The following FSTL4 variants were observed in gnomAD, a reference collection of about 807,000 sequenced individuals.
FSTL4 encodes follistatin like 4, also known as follistatin-related protein 4.
A neutral mutation model predicts 78.2 loss-of-function variants in FSTL4; 28 were observed. The ratio of observed to expected loss-of-function variants is 0.36; its 90% CI spans 0.27 to 0.49. The LOEUF (loss-of-function observed/expected upper bound fraction) is 0.49, where lower values mean the gene tolerates loss of function less well. FSTL4 is among the 20% of genes least tolerant of loss of function. The pLI is 0.98. For synonymous variants in FSTL4, 422 were observed against 440.5 expected, an observed-to-expected ratio of 0.96 and a Z score of 0.53; for missense variants, 922 against 1,084.9, an observed-to-expected ratio of 0.85 and a Z score of 2.11.
At chr5:133,719,193 AG>A in the FSTL4 span, among the ~76,000 whole-genome samples, 2 of 152,226 alleles carry the variant, frequency 1.3e-5, no homozygotes, top group African/African-American at 4.8e-5. Flanking sequence ...CTTAAGAAAA[AG>A]CTGCTAAATT....
intron 4 of FSTL4, among the ~76,000 whole-genome samples, chr5:133,322,416 G>C (rs545209350): frequency 6.6e-6 from 1 of 152,216 alleles, no homozygotes; most frequent in South Asian, 2.1e-4. Context: ...CTTAGTTTGG[G>C]CTCCCCCAAA....
intron 4 of FSTL4, among the ~76,000 whole-genome samples, chr5:133,320,995 A>C (rs1446569571): frequency 8.5e-6 from 1 of 117,048 alleles, no homozygotes; most frequent in African/African-American, 3.5e-5. Context: ...TGACAGAGCG[A>C]GACTCCGTCT....
chr5:133,691,174 T>G, the FSTL4 span, among the ~76,000 whole-genome samples: 1 of 152,214 alleles, frequency 6.6e-6, no homozygotes, highest in African/African-American at 2.4e-5. Context: ...TGAATTTTAT[T>G]TAGAGAAAAA....
At chr5:133,747,828 T>A in the FSTL4 span, among the ~76,000 whole-genome samples, 1 of 152,142 alleles carries the variant, frequency 6.6e-6, no homozygotes, top group Non-Finnish European at 1.5e-5. Flanking sequence ...TTGGACTGGC[T>A]CTGGAGGATG....
At chr5:133,356,478 C>G (rs1037338302) in intron 4 of FSTL4, among the ~76,000 whole-genome samples, 2 of 152,118 alleles carry the variant, frequency 1.3e-5, no homozygotes, top group African/African-American at 2.4e-5. Context: ...AGTTTTAGAC[C>G]CAAGGTCCAG....
intron 6 of FSTL4, chr5:133,252,256 CG>C (rs1477222093): frequency 2.0e-5 from 3 of 152,330 alleles, no homozygotes; most frequent in Non-Finnish European, 4.4e-5. Context: ...TTTCCCTGCA[CG>C]TCTGATCTGT....
chr5:133,589,370 G>A (rs1760574809), intron 2 of FSTL4, among the ~76,000 whole-genome samples: 2 of 151,360 alleles, frequency 1.3e-5, no homozygotes, highest in African/African-American at 2.4e-5. Flanking sequence ...ACTTCCCAAG[G>A]CCAATTCTTA....
chr5:133,632,115 C>G, the FSTL4 span, among the ~76,000 whole-genome samples: 1 of 152,124 alleles, frequency 6.6e-6, no homozygotes, highest in Non-Finnish European at 1.5e-5. Flanking sequence ...CCTGTACGTT[C>G]TGCACATGTA....
intron 3 of FSTL4, among the ~76,000 whole-genome samples, chr5:133,566,310 A>G (rs1044188408): frequency 6.6e-6 from 1 of 152,226 alleles, no homozygotes; most frequent in Non-Finnish European, 1.5e-5. Context: ...GCTGTGTTGC[A>G]TAACACAAGA....
the FSTL4 span, among the ~76,000 whole-genome samples, chr5:133,709,732 A>G: frequency 6.6e-6 from 1 of 152,244 alleles, no homozygotes; most frequent in Non-Finnish European, 1.5e-5. Flanking sequence ...CAGAGACTCC[A>G]CTGTAAATAT....
intron 4 of FSTL4, among the ~76,000 whole-genome samples, chr5:133,342,944 C>A (rs959037089): frequency 2.0e-5 from 3 of 152,112 alleles, no homozygotes; most frequent in African/African-American, 7.2e-5. Context: ...GATCCTTATA[C>A]CATAAGGGGA....
At chr5:133,670,682 A>G in the FSTL4 span, among the ~76,000 whole-genome samples, 1 of 152,254 alleles carries the variant, frequency 6.6e-6, no homozygotes, top group Non-Finnish European at 1.5e-5. Flanking sequence ...TTGCTCTCTC[A>G]TTCACTGGGT....
chr5:133,263,878 C>G (rs1752589599), intron 6 of FSTL4, among the ~76,000 whole-genome samples: 2 of 152,004 alleles, frequency 1.3e-5, no homozygotes, highest in Admixed American at 1.3e-4. Context: ...GAGTGGGGGC[C>G]CAGCCTCTGA....
intron 3 of FSTL4, among the ~76,000 whole-genome samples, chr5:133,410,082 A>C (rs1278497221): frequency 6.6e-6 from 1 of 152,200 alleles, no homozygotes; most frequent in Non-Finnish European, 1.5e-5. Context: ...TGTCCTATCA[A>C]GTTATCTCAA....
intron 4 of FSTL4, among the ~76,000 whole-genome samples, chr5:133,325,024 T>C (rs1223818493): frequency 6.6e-6 from 1 of 152,130 alleles, no homozygotes; most frequent in Non-Finnish European, 1.5e-5. Context: ...CTCTGGACAC[T>C]AGGTTGCATA....
chr5:133,684,716 A>G, the FSTL4 span, among the ~76,000 whole-genome samples: 4 of 152,188 alleles, frequency 2.6e-5, no homozygotes, highest in African/African-American at 9.6e-5. Flanking sequence ...GAAATGGGAA[A>G]TTGTCCTCAT....
chr5:133,659,002 A>G, the FSTL4 span, among the ~76,000 whole-genome samples: 1 of 152,160 alleles, frequency 6.6e-6, no homozygotes. Flanking sequence ...TTTTAAACTT[A>G]TAAAGCTTTT....
At chr5:133,643,425 A>G in the FSTL4 span, among the ~76,000 whole-genome samples, 1 of 152,156 alleles carries the variant, frequency 6.6e-6, no homozygotes, top group East Asian at 1.9e-4. Flanking sequence ...GCCTGAGGCT[A>G]TTGTGTAGGG....
chr5:133,634,277 T>C, the FSTL4 span, among the ~76,000 whole-genome samples: 1 of 152,060 alleles, frequency 6.6e-6, no homozygotes, highest in African/African-American at 2.4e-5. Context: ...GGGTCACAGG[T>C]CTTTCTGGGA....
Sources: allele counts gnomAD v4.1 joint callset (sites outside exome capture counted in the v4.1 genomes callset), GRCh38; gene constraint gnomAD v4.1.1; transcripts MANE v1.5; gene names NCBI Gene and HGNC (gene_info 2026-07-23, HGNC 2026-07-21).